The following C10orf71 variants were observed in gnomAD, a reference collection of about 807,000 sequenced individuals.
The protein encoded by C10orf71 is chromosome 10 open reading frame 71.
For synonymous variants in C10orf71, 758 were observed against 726.3 expected (o/e 1.04, Z -0.70); for missense variants, 1,869 against 1,804.5 (o/e 1.04, Z -0.65).
At chr10:49,320,449 T>C (rs1047033422) in intron 2 of C10orf71, among the ~76,000 whole-genome samples, 1 of 152,198 alleles carries the variant, frequency 6.6e-6, no homozygotes, top group African/African-American at 2.4e-5. Flanking sequence ...AGGGTGGTTC[T>C]GGGATGAGGG....
At chr10:49,321,090 T>C (rs1849086626) in intron 2 of C10orf71, among the ~76,000 whole-genome samples, 1 of 151,786 alleles carries the variant, frequency 6.6e-6, no homozygotes, top group Admixed American at 6.6e-5. Flanking sequence ...TAACATAATA[T>C]CTATCCTCAG....
Position 49,326,134 on chromosome 10 carries a change from G to A in C10orf71, c.3589G>A (p.Ala1197Thr), listed in dbSNP as rs1481441965. The change falls in exon 3 of 3, where the codon GCT (alanine) becomes ACT (threonine). Residue 1197 changes from alanine (A) to threonine (T), a missense_variant. By Grantham distance (58) the Ala-to-Thr change is moderately conservative. Transcript: ENST00000374144. ...LASKRRKTDQ[A>T]QEKHGESQEG... ...AAGTAAGAGGAGGAAGACGGATCAG[G>A]CTCAGGAGAAGCATGGCGAGTCACA... is the stretch of plus-strand genomic sequence containing the variant. The A allele has an allele frequency of 5.2e-6, 8 of 1,551,582 alleles. No homozygotes were observed. Among genetic ancestry groups the A allele is most frequent in the Admixed American group, 2.0e-5 (1 of 50,986 alleles).
rs75046605 is a variant in C10orf71 at position 49,326,637 on chromosome 10, C to A, written c.4092C>A (p.Gly1364=). The part of the protein sequence containing the change: ...QLSAPTFLRQ[G]PRASAARART... ...CCGCGCCCACCTTCCTCAGGCAGGG[C>A]CCTCGTGCCTCCGCGGCCCGCGCCA... is the stretch of plus-strand genomic sequence containing the variant. The change falls in exon 3 of 3, where the codon GGC becomes GGA. Residue 1364 remains glycine (G), a synonymous_variant. Coordinates refer to ENST00000374144, the MANE Select transcript of C10orf71 (RefSeq NM_001135196.2). 46 of 1,550,180 alleles carry A rather than the reference C, an allele frequency of 3.0e-5. No homozygotes were observed. The African/African-American group carries it at 6.2e-4, about 21-fold the overall frequency.
intron 1 of C10orf71, among the ~76,000 whole-genome samples, chr10:49,308,716 G>A (rs1848859947): frequency 6.6e-6 from 1 of 152,234 alleles, no homozygotes; most frequent in Non-Finnish European, 1.5e-5. Flanking sequence ...CAAAACTGGT[G>A]ACGTGAAGCA....
chr10:49,324,237 C>A lies in C10orf71; in HGVS notation c.1692C>A (p.Asp564Glu). The A allele has an allele frequency of 6.2e-7, 1 of 1,613,966 alleles. No individual in the cohort carries two copies. Among genetic ancestry groups the A allele is most frequent in the Non-Finnish European group, 8.5e-7 (1 of 1,179,880 alleles). The change falls in exon 3 of 3, where the codon GAC (aspartate) becomes GAA (glutamate). Residue 564 changes from aspartate to glutamate, a missense_variant. Asp to Glu is a conservative substitution (Grantham distance 45). Transcript: ENST00000374144. ...TTTCTAAGGAGAGACCCGCTGATGACCCCACTGCATCACACATCAATCCCC... is the reference window on the plus strand; with the variant it reads ...TTTCTAAGGAGAGACCCGCTGATGAACCCACTGCATCACACATCAATCCCC... ...NELSKERPAD[D>E]PTASHINPQK...
At chr10:49,302,734 T>A (rs1848750383) in intron 1 of C10orf71, among the ~76,000 whole-genome samples, 1 of 152,104 alleles carries the variant, frequency 6.6e-6, no homozygotes, top group Non-Finnish European at 1.5e-5. Flanking sequence ...AGTCAAAACC[T>A]CCCTTAGGAA....
chr10:49,298,743 C>T (rs958474068), upstream of C10orf71: 1 of 152,222 alleles, frequency 6.6e-6, no homozygotes, highest in Non-Finnish European at 1.5e-5. Context: ...CCCTGAGACC[C>T]AGCCTGGCCT....
Position 49,310,626 on chromosome 10 carries a change from G to A in C10orf71, c.-247-5519G>A, listed in dbSNP as rs111530520. ...AGTCATGAGAATCAAACAAGATCAC[G>A]GATGCTGAAATGTGTCATGAACTAC... On this transcript the variant is annotated intron_variant, in intron 1 of 2. Coordinates refer to ENST00000374144, the MANE Select transcript of C10orf71 (RefSeq NM_001135196.2). Among the ~76,000 whole-genome samples the A allele has an allele frequency of 8.3e-3, 1,262 of 152,246 alleles. 15 individuals carry two copies. The highest frequency in any genetic ancestry group is 0.029 in the African/African-American group (1,208 of 41,524).
chr10:49,324,849 T>C lies in C10orf71; in HGVS notation c.2304T>C (p.Asp768=), dbSNP rs753304372. 2 of 1,551,700 alleles carry C rather than the reference T, an allele frequency of 1.3e-6. No individual in the cohort carries two copies. The highest frequency in any genetic ancestry group is 1.7e-6 in the Non-Finnish European group (2 of 1,147,002). ...KDVSAGDSQK[D]EKENVMRKDE... is the part of the protein sequence containing the mutation. ...TGAGTGCAGGTGACAGTCAGAAGGA[T>C]GAGAAGGAGAATGTGATGCGGAAGG... Residue 768 remains aspartate, a synonymous_variant, in exon 3 of 3, where the codon GAT becomes GAC. Transcript: ENST00000374144.
chr10:49,305,942 A>T (rs1463324146), intron 1 of C10orf71, among the ~76,000 whole-genome samples: 1 of 152,212 alleles, frequency 6.6e-6, no homozygotes, highest in Non-Finnish European at 1.5e-5. Flanking sequence ...GGAGCAGTAC[A>T]TATAAGAAGG....
chr10:49,312,708 C>T (rs1483544799), intron 1 of C10orf71, among the ~76,000 whole-genome samples: 3 of 152,164 alleles, frequency 2.0e-5, no homozygotes, highest in East Asian at 3.9e-4. Flanking sequence ...GTACATGCCA[C>T]GCTGCTGAGG....
chr10:49,327,151 T>G lies in C10orf71; in HGVS notation c.*298T>G. 1 of 886,026 alleles carries G rather than the reference T, an allele frequency of 1.1e-6. No homozygotes were observed. The highest frequency in any genetic ancestry group is 3.1e-5 in the Admixed American group (1 of 31,884). 54.9% of individuals were successfully genotyped at this position (886,026 alleles called of 1,614,324 possible). A position where few individuals can be genotyped will look rare whatever the true frequency, so the allele number is the denominator to read the frequency against. On this transcript the variant is annotated 3_prime_UTR_variant, in exon 3 of 3. Transcript: ENST00000374144. ...CAGCCCTTCTCCCTCCCTCCCTTCC[T>G]CCCTCTCCTGGCCCACCCTGCTCTT...
At chr10:49,313,141 G>A (rs1311233528) in intron 1 of C10orf71, among the ~76,000 whole-genome samples, 1 of 152,220 alleles carries the variant, frequency 6.6e-6, no homozygotes, top group Non-Finnish European at 1.5e-5. Flanking sequence ...GGTAAGTGCT[G>A]CAAAATGATG....
In C10orf71 at chr10:49,323,007, G is replaced by T; in HGVS notation, c.462G>T (p.Glu154Asp). The T allele has an allele frequency of 6.2e-7, 1 of 1,614,022 alleles. No homozygotes were observed. Among genetic ancestry groups the T allele is most frequent in the South Asian group, 1.1e-5 (1 of 91,078 alleles). Residue 154 changes from glutamate (E) to aspartate (D), a missense_variant, in exon 3 of 3, where the codon GAG becomes GAT. Transcript: ENST00000374144. Reference protein sequence around the residue: ...STLIKSFDRTESQRCESRPTA... With the variant: ...STLIKSFDRTDSQRCESRPTA... The stretch of plus-strand genomic sequence containing the variant: ...TAATTAAATCTTTCGACAGGACCGA[G>T]AGCCAACGTTGTGAGAGCAGGCCCA...
rs972167545 is a variant in C10orf71, at chr10:49,324,120, G to C, written c.1575G>C (p.Glu525Asp). The C allele has an allele frequency of 1.2e-6, 2 of 1,613,852 alleles. No individual in the cohort carries two copies. Among genetic ancestry groups the C allele is most frequent in the African/African-American group, 1.3e-5 (1 of 74,910 alleles). Residue 525 changes from glutamate (E) to aspartate (D), a missense_variant, in exon 3 of 3, where the codon GAG (glutamate) becomes GAC (aspartate). Transcript: ENST00000374144. ...SSSPLLKVLD[E>D]KTRGKVDGKQ... The stretch of plus-strand genomic sequence containing the variant: ...CACCTCTCTTGAAAGTGCTTGATGA[G>C]AAAACTAGAGGTAAGGTTGATGGAA...
chr10:49,317,601 A>G (rs12252168), intron 2 of C10orf71, among the ~76,000 whole-genome samples: 20,109 of 152,206 alleles, frequency 0.13, 1,749 homozygotes, highest in East Asian at 0.28. Flanking sequence ...CTATAATCCC[A>G]ACACTTTGGG....
chr10:49,303,787 G>A (rs1023457035), intron 1 of C10orf71, among the ~76,000 whole-genome samples: 3 of 152,212 alleles, frequency 2.0e-5, no homozygotes, highest in African/African-American at 7.2e-5. Flanking sequence ...CTTGCCATGA[G>A]GAATTCCATG....
At chr10:49,300,388 T>C (rs922788156) in intron 1 of C10orf71, among the ~76,000 whole-genome samples, 1 of 149,872 alleles carries the variant, frequency 6.7e-6, no homozygotes, top group East Asian at 2.0e-4. Context: ...ACGCTTACAA[T>C]GTGGCCCTTT....
At chr10:49,302,813 G>C (rs1848751407) in intron 1 of C10orf71, among the ~76,000 whole-genome samples, 1 of 152,156 alleles carries the variant, frequency 6.6e-6, no homozygotes. Context: ...AGTTGCCCAG[G>C]GTGCTGCAGG....
Sources: allele counts gnomAD v4.1 joint callset (sites outside exome capture counted in the v4.1 genomes callset), GRCh38; gene constraint gnomAD v4.1.1; transcripts MANE v1.5; gene names NCBI Gene and HGNC (gene_info 2026-07-23, HGNC 2026-07-21).